The following RAD51B variants were observed in gnomAD, a reference collection of about 807,000 sequenced individuals.
The protein encoded by RAD51B is RAD51 paralog B, also known as DNA repair protein RAD51 homolog 2.
In RAD51B, 38 loss-of-function variants were observed where a neutral mutation model predicts 42.2. The ratio of observed to expected loss-of-function variants is 0.90; its 90% confidence interval spans 0.70 to 1.18. RAD51B has a LOEUF of 1.18. RAD51B is among the 50% of genes most tolerant of loss of function. The probability of loss-of-function intolerance (pLI) is 0.00; values close to 1 mark genes in which losing one functional copy is unlikely to be tolerated. For missense variants in RAD51B, 373 were observed against 400.7 expected, an observed-to-expected ratio of 0.93 and a Z score of 0.59; for synonymous variants, 154 against 145.2, an observed-to-expected ratio of 1.06 and a Z score of -0.43.
chr14:68,672,784 T>C (rs1398310654), intron 11 of RAD51B, among the ~76,000 whole-genome samples: 1 of 152,204 alleles, frequency 6.6e-6, no homozygotes, highest in African/African-American at 2.4e-5. Flanking sequence ...TCATCTCCCC[T>C]GGGGCCTGGA....
intron 7 of RAD51B, among the ~76,000 whole-genome samples, chr14:68,161,373 G>A (rs914581256): frequency 1.3e-5 from 2 of 152,200 alleles, no homozygotes; most frequent in Non-Finnish European, 2.9e-5. Context: ...GAAAGGGAAT[G>A]AATCTTTCCT....
chr14:68,096,787 C>T (rs2077203429), intron 7 of RAD51B, among the ~76,000 whole-genome samples: 1 of 151,352 alleles, frequency 6.6e-6, no homozygotes, highest in African/African-American at 2.5e-5. Context: ...TCTCTAATAG[C>T]TGCAAAGGAA....
Position 68,215,578 on chromosome 14 carries a change from G to A in RAD51B, c.757-76306G>A, listed in dbSNP as rs528113719. ...TGGCTCAAAGTGTTAGTTGCCCAAGGTCATGCAGTATTAAGTAGAAGAACC... is the reference window on the plus strand; with the variant it reads ...TGGCTCAAAGTGTTAGTTGCCCAAGATCATGCAGTATTAAGTAGAAGAACC... On this transcript the variant is annotated intron_variant, in intron 7 of 10. Coordinates refer to ENST00000471583, the MANE Select transcript of RAD51B (RefSeq NM_133510.4). 6.6e-5 allele frequency among the ~76,000 whole-genome samples: 10 copies of A among 152,286 alleles called. No homozygotes were observed. The South Asian group carries it at 2.1e-3, about 32-fold the overall frequency.
At chr14:68,541,924 C>G (rs917512029) in intron 10 of RAD51B, 19 of 831,434 alleles carry the variant, frequency 2.3e-5, no homozygotes, top group Non-Finnish European at 2.8e-5. Flanking sequence ...AAGTGGTTCC[C>G]AAACTTTTTT....
At chr14:68,161,616 G>A (rs1566693825) in intron 7 of RAD51B, among the ~76,000 whole-genome samples, 2 of 152,190 alleles carry the variant, frequency 1.3e-5, no homozygotes, top group Non-Finnish European at 1.5e-5. Context: ...TCTGGACAGG[G>A]AAAGACAAAT....
chr14:68,119,935 A>G (rs1319129910), intron 7 of RAD51B, among the ~76,000 whole-genome samples: 1 of 149,954 alleles, frequency 6.7e-6, no homozygotes, highest in Admixed American at 6.6e-5. Context: ...AGTCCCACCA[A>G]CAGTGTAAAA....
At chr14:67,946,405 G>A (rs1223735025) in intron 7 of RAD51B, among the ~76,000 whole-genome samples, 5 of 151,714 alleles carry the variant, frequency 3.3e-5, no homozygotes. Flanking sequence ...GAGTCTCACT[G>A]TTACCTAGGC....
intron 9 of RAD51B, among the ~76,000 whole-genome samples, chr14:68,450,660 G>T (rs902934728): frequency 6.6e-6 from 1 of 152,086 alleles, no homozygotes; most frequent in East Asian, 1.9e-4. Context: ...CACTGAAAGA[G>T]GTTAGGTTGC....
chr14:68,075,460 C>G (rs2076818082), intron 7 of RAD51B, among the ~76,000 whole-genome samples: 1 of 152,126 alleles, frequency 6.6e-6, no homozygotes, highest in Admixed American at 6.5e-5. Flanking sequence ...GCTGCAGAAC[C>G]AAGCCAAGGG....
intron 10 of RAD51B, among the ~76,000 whole-genome samples, chr14:68,625,181 G>A (rs1217879989): frequency 2.6e-5 from 4 of 152,136 alleles, no homozygotes; most frequent in Non-Finnish European, 5.9e-5. Flanking sequence ...TTGGAAGACT[G>A]GGATATAATG....
chr14:67,991,917 T>C (rs985962838), intron 7 of RAD51B, among the ~76,000 whole-genome samples: 2 of 152,158 alleles, frequency 1.3e-5, no homozygotes, highest in African/African-American at 4.8e-5. Flanking sequence ...TATAATGCTA[T>C]GTATTACAGA....
intron 10 of RAD51B, chr14:68,541,421 T>A: frequency 1.0e-6 from 1 of 985,446 alleles, no homozygotes; most frequent in Non-Finnish European, 1.2e-6. Context: ...AGAGTGTGTC[T>A]GTGCATCAGA....
intron 7 of RAD51B, among the ~76,000 whole-genome samples, chr14:68,114,901 G>T (rs1193073748): frequency 6.6e-6 from 1 of 151,966 alleles, no homozygotes; most frequent in Non-Finnish European, 1.5e-5. Flanking sequence ...AACAACAGGT[G>T]CTGGAGAGGA....
intron 9 of RAD51B, among the ~76,000 whole-genome samples, chr14:68,457,735 A>G (rs1400564804): frequency 6.7e-6 from 1 of 149,306 alleles, no homozygotes; most frequent in Non-Finnish European, 1.5e-5. Flanking sequence ...AGTAGCTGGG[A>G]TTACAGGCAC....
intron 8 of RAD51B, among the ~76,000 whole-genome samples, chr14:68,384,072 C>T (rs2083538878): frequency 6.6e-6 from 1 of 152,196 alleles, no homozygotes; most frequent in African/African-American, 2.4e-5. Context: ...TCTATTTGTT[C>T]TGCTGAGTAA....
chr14:67,930,442 T>C (rs1002077054), intron 7 of RAD51B, among the ~76,000 whole-genome samples: 14 of 152,200 alleles, frequency 9.2e-5, no homozygotes, highest in African/African-American at 3.4e-4. Context: ...ATTTCTTCTT[T>C]ATTTATGAAG....
chr14:68,528,443 A>G (rs1004481724), intron 10 of RAD51B, among the ~76,000 whole-genome samples: 3 of 152,238 alleles, frequency 2.0e-5, no homozygotes, highest in Non-Finnish European at 4.4e-5. Context: ...CCTCAAGTAC[A>G]CTTTAAAAGT....
At position 68,477,312 on chromosome 14, in the gene RAD51B, A is replaced by G. The variant is rs61986939; in HGVS notation, c.1037-336A>G. Among the ~76,000 whole-genome samples, 566 of 152,344 alleles carry G rather than the reference A, an allele frequency of 3.7e-3. 1 individual carries two copies. Among genetic ancestry groups the G allele is most frequent in the Middle Eastern group, 0.024 (7 of 294 alleles). On this transcript the variant is annotated intron_variant, in intron 10 of 10. Transcript: ENST00000471583. Reference sequence around the variant, plus strand: ...GCCTTTGTGAGGGCTTCCTGGCTACAGATGGCAGCTGGCTTTCTCAGGGGA... The same window carrying G: ...GCCTTTGTGAGGGCTTCCTGGCTACGGATGGCAGCTGGCTTTCTCAGGGGA...
intron 11 of RAD51B, among the ~76,000 whole-genome samples, chr14:68,667,968 G>T (rs1213429230): frequency 6.6e-6 from 1 of 152,186 alleles, no homozygotes; most frequent in Non-Finnish European, 1.5e-5. Context: ...TGTGAGGCCT[G>T]TGGGAGATCC....
Sources: allele counts gnomAD v4.1 joint callset (sites outside exome capture counted in the v4.1 genomes callset), GRCh38; gene constraint gnomAD v4.1.1; transcripts MANE v1.5; gene names NCBI Gene and HGNC (gene_info 2026-07-23, HGNC 2026-07-21).